Variants in PATJ observed in about 807,000 individuals in gnomAD.
PATJ encodes the protein inaD-like protein.
Under a neutral mutation model 224.9 loss-of-function variants are expected in PATJ, and 190 were observed. The observed-to-expected ratio is 0.84, with a 90% CI of 0.75 to 0.95. The LOEUF (loss-of-function observed/expected upper bound fraction) is 0.95. Ranked by LOEUF, PATJ falls within the 40% of genes least tolerant of loss-of-function variation. The pLI is 0.00. For synonymous variants in PATJ, 769 were observed against 820.3 expected, an observed-to-expected ratio of 0.94 and a Z score of 1.07; for missense variants, 2,121 against 2,270.3, an observed-to-expected ratio of 0.93 and a Z score of 1.34.
intron 31 of PATJ, among the ~76,000 whole-genome samples, chr1:62,073,810 T>C (rs1331748382): frequency 6.6e-6 from 1 of 152,154 alleles, no homozygotes; most frequent in African/African-American, 2.4e-5. Flanking sequence ...AGCGATATAC[T>C]GAGACTCCAT....
intron 31 of PATJ, among the ~76,000 whole-genome samples, chr1:62,070,998 C>A (rs1408175517): frequency 6.6e-6 from 1 of 152,064 alleles, no homozygotes; most frequent in African/African-American, 2.4e-5. Flanking sequence ...CGAATGGGAG[C>A]CTGGTGAAGA....
At chr1:61,832,028 C>G (rs1319156272) in intron 16 of PATJ, among the ~76,000 whole-genome samples, 1 of 152,164 alleles carries the variant, frequency 6.6e-6, no homozygotes, top group Non-Finnish European at 1.5e-5. Context: ...TTTGCAGCAA[C>G]CTGAATGGAG....
intron 21 of PATJ, among the ~76,000 whole-genome samples, chr1:61,876,411 A>G (rs1403466806): frequency 1.3e-5 from 2 of 152,232 alleles, no homozygotes; most frequent in Non-Finnish European, 2.9e-5. Context: ...CATTTCTTAT[A>G]GTTCTCTATT....
intron 33 of PATJ, among the ~76,000 whole-genome samples, chr1:62,105,273 G>C (rs1662763549): frequency 6.6e-6 from 1 of 152,132 alleles, no homozygotes; most frequent in South Asian, 2.1e-4. Context: ...CGAGTGAACA[G>C]AAATTTTCTA....
intron 37 of PATJ, chr1:62,120,839 G>C (rs1200781697): frequency 1.4e-5 from 3 of 219,288 alleles, no homozygotes; most frequent in Non-Finnish European, 2.7e-5. Context: ...CCCATTAGCT[G>C]ACTATATATA....
chr1:61,752,421 C>T (rs1354821221), intron 1 of PATJ, among the ~76,000 whole-genome samples: 3 of 146,946 alleles, frequency 2.0e-5, no homozygotes, highest in African/African-American at 5.0e-5. Flanking sequence ...TCAAGCGATT[C>T]TTCTGCCTCA....
intron 3 of PATJ, among the ~76,000 whole-genome samples, chr1:61,766,021 G>A (rs1400658869): frequency 1.3e-5 from 2 of 152,124 alleles, no homozygotes; most frequent in Non-Finnish European, 2.9e-5. Context: ...AGATGTCAGT[G>A]TACATGCTGT....
intron 27 of PATJ, among the ~76,000 whole-genome samples, chr1:61,971,989 A>AAAAT (rs1018716506): frequency 1.3e-5 from 2 of 151,954 alleles, no homozygotes; most frequent in African/African-American, 2.4e-5. Context: ...ACCTTATCTC[A>AAAAT]AAATAAATAA....
In PATJ at chr1:62,108,524, T is replaced by C; in HGVS notation, c.4461+4T>C. ...GGCTGGTGACCAGATATTAGAGGTA[T>C]ATGGTTTTGAATTTTATTTTATATC... On this transcript the variant is annotated splice_donor_region_variant and intron_variant, in intron 34 of 43. Coordinates refer to ENST00000642238, the MANE Select transcript of PATJ (RefSeq NM_001350145.3). 6.3e-7 allele frequency: 1 copy of C among 1,588,142 alleles called. No homozygotes were observed.
At chr1:62,127,849 T>C in intron 39 of PATJ, 123 bp from the exon 40 acceptor site, 1 of 874,290 alleles carries the variant, frequency 1.1e-6, no homozygotes, top group Non-Finnish European at 1.7e-6. Flanking sequence ...CACATTTAAC[T>C]CCTATGTTAT....
chr1:61,898,480 T>G (rs1279085944), intron 22 of PATJ, among the ~76,000 whole-genome samples: 2 of 152,054 alleles, frequency 1.3e-5, no homozygotes, highest in Admixed American at 1.3e-4. Context: ...TCAAGTGATC[T>G]TCCTGCCTTG....
At chr1:61,865,005 G>A (rs954787801) in intron 20 of PATJ, among the ~76,000 whole-genome samples, 9 of 151,688 alleles carry the variant, frequency 5.9e-5, no homozygotes, top group Non-Finnish European at 7.4e-5. Flanking sequence ...TATTTATCAG[G>A]CAAAATCAAG....
At chr1:62,111,440 A>G (rs921556954) in intron 34 of PATJ, among the ~76,000 whole-genome samples, 1 of 152,202 alleles carries the variant, frequency 6.6e-6, no homozygotes, top group Non-Finnish European at 1.5e-5. Context: ...TAAAATACCA[A>G]CTTCTAACTT....
In PATJ at chr1:62,017,828, T is replaced by A. The variant is rs201270915; in HGVS notation, c.3868-28T>A. ...ATATATACTTGTAGACATGTATAAT[T>A]TAGTACATTGTGGTTTTTCCCAAAC... On this transcript the variant is annotated intron_variant, in intron 28 of 43. Coordinates refer to ENST00000642238, the MANE Select transcript of PATJ (RefSeq NM_001350145.3). 1,907 of 1,168,010 alleles carry A rather than the reference T, an allele frequency of 1.6e-3. 3 individuals carry two copies. Among genetic ancestry groups the A allele is most frequent in the Non-Finnish European group, 2.2e-3 (1,731 of 773,714 alleles). The allele number at this position is 1,168,010 out of a possible 1,614,324, so 72.4% of individuals were successfully genotyped here.
At chr1:61,899,903 A>G (rs1670887060) in intron 23 of PATJ, among the ~76,000 whole-genome samples, 3 of 152,250 alleles carry the variant, frequency 2.0e-5, no homozygotes, top group Admixed American at 6.5e-5. Flanking sequence ...TGTCCATCTA[A>G]CAAGTATAGT....
chr1:61,762,913 A>G lies in PATJ; in HGVS notation c.21A>G (p.Thr7=), dbSNP rs770236202. MPENPA[T]DKLQVLQVLD... Reference sequence around the variant, plus strand: ...TCAAAATGCCTGAAAATCCTGCTACAGGTATACTGGATATATTGTTCTATA... The same window carrying G: ...TCAAAATGCCTGAAAATCCTGCTACGGGTATACTGGATATATTGTTCTATA... Residue 7 remains threonine (T), a splice_region_variant and synonymous_variant, in exon 2 of 44, where the codon ACA becomes ACG. Transcript: ENST00000642238. 3.2e-6 allele frequency: 5 copies of G among 1,547,586 alleles called. No homozygotes were observed. In the Admixed American group the frequency reaches 5.4e-5, roughly 17 times the overall value.
At chr1:61,889,757 T>C (rs1336567941) in intron 22 of PATJ, among the ~76,000 whole-genome samples, 1 of 152,210 alleles carries the variant, frequency 6.6e-6, no homozygotes, top group Non-Finnish European at 1.5e-5. Flanking sequence ...CTGAATGGCA[T>C]GCAATTTAAA....
chr1:61,814,380 T>C (rs1391238891), intron 14 of PATJ, among the ~76,000 whole-genome samples: 1 of 152,084 alleles, frequency 6.6e-6, no homozygotes, highest in African/African-American at 2.4e-5. Flanking sequence ...TGACCTCAGG[T>C]GATCCGCCCA....
intron 27 of PATJ, chr1:61,952,524 C>T (rs1306267069): frequency 1.5e-6 from 1 of 683,226 alleles, no homozygotes; most frequent in African/African-American, 1.8e-5. Flanking sequence ...TAAGCCAAGG[C>T]ATTTTTCTTA....
Sources: allele counts gnomAD v4.1 joint callset (sites outside exome capture counted in the v4.1 genomes callset), GRCh38; gene constraint gnomAD v4.1.1; transcripts MANE v1.5; gene names NCBI Gene and HGNC (gene_info 2026-07-23, HGNC 2026-07-21).